Variants in KCNQ3 observed in about 807,000 individuals in gnomAD.
The protein encoded by KCNQ3 is potassium voltage-gated channel subfamily Q member 3, also known as potassium voltage-gated channel subfamily KQT member 3.
A neutral mutation model predicts 92.5 loss-of-function variants in KCNQ3; 30 were observed. That is an observed-to-expected ratio of 0.32 (90% CI 0.24 to 0.44). KCNQ3 has a LOEUF of 0.44. Ranked by LOEUF, KCNQ3 falls within the 20% of genes least tolerant of loss-of-function variation. The pLI, the probability that KCNQ3 is intolerant of heterozygous loss-of-function variation, is 1.00. For missense variants in KCNQ3, 913 were observed against 1,140.3 expected (o/e 0.80, Z 2.87); for synonymous variants, 450 against 468.8 (o/e 0.96, Z 0.52).
intron 1 of KCNQ3, among the ~76,000 whole-genome samples, chr8:132,454,648 C>A (rs1036789771): frequency 1.2e-4 from 18 of 152,126 alleles, no homozygotes; most frequent in African/African-American, 4.1e-4. Flanking sequence ...TTTCCCCCGA[C>A]TGACCACCAT....
chr8:132,439,266 C>T (rs1811351966), intron 1 of KCNQ3, among the ~76,000 whole-genome samples: 1 of 152,018 alleles, frequency 6.6e-6, no homozygotes, highest in South Asian at 2.1e-4. Context: ...TCCCAGCAAA[C>T]CTTTTTGAAG....
intron 1 of KCNQ3, among the ~76,000 whole-genome samples, chr8:132,435,173 C>G (rs1478558004): frequency 6.6e-6 from 1 of 152,182 alleles, no homozygotes. Context: ...ATGCCCAGGA[C>G]CTCCTGGACC....
chr8:132,153,605 C>T (rs1825701711), intron 9 of KCNQ3, among the ~76,000 whole-genome samples: 1 of 152,164 alleles, frequency 6.6e-6, no homozygotes, highest in Non-Finnish European at 1.5e-5. Flanking sequence ...CTTCCCATTT[C>T]ATGGATAAAA....
intron 1 of KCNQ3, among the ~76,000 whole-genome samples, chr8:132,397,134 G>A (rs1402356670): frequency 6.6e-6 from 1 of 152,112 alleles, no homozygotes; most frequent in Non-Finnish European, 1.5e-5. Flanking sequence ...GTCTAGTTGG[G>A]TGGTGGCTTA....
chr8:132,319,103 G>C (rs1462134198), intron 1 of KCNQ3, among the ~76,000 whole-genome samples: 4 of 152,214 alleles, frequency 2.6e-5, no homozygotes, highest in Non-Finnish European at 5.9e-5. Context: ...AAAAGTAAGT[G>C]AAAGGGCATG....
chr8:132,294,173 T>C (rs1188088726), intron 1 of KCNQ3, among the ~76,000 whole-genome samples: 2 of 152,050 alleles, frequency 1.3e-5, no homozygotes. Flanking sequence ...GCTAATTTTT[T>C]TGTATTTTTA....
At chr8:132,421,325 C>T (rs1177845998) in intron 1 of KCNQ3, among the ~76,000 whole-genome samples, 2 of 152,194 alleles carry the variant, frequency 1.3e-5, no homozygotes, top group African/African-American at 2.4e-5. Flanking sequence ...GAAATTCCAA[C>T]AGTTCATCAC....
rs200811205 is a variant in KCNQ3 at position 132,395,253 on chromosome 8, ATTTC to A, written c.386+84890_386+84893del. On this transcript the variant is annotated intron_variant, in intron 1 of 14. Coordinates refer to ENST00000388996, the MANE Select transcript of KCNQ3 (RefSeq NM_004519.4). ...ATATCCATCATCTCAAACATTTATGATTTCTTTGTGTTGAGAACATTCAATATCC... is the reference window on the plus strand; with the variant it reads ...ATATCCATCATCTCAAACATTTATGATTTGTGTTGAGAACATTCAATATCC... Among the ~76,000 whole-genome samples the A allele has an allele frequency of 9.6e-4, 146 of 152,308 alleles. 1 individual carries two copies. In the East Asian group the frequency reaches 0.026, roughly 27 times the overall value.
At chr8:132,234,378 G>T (rs1212646635) in intron 1 of KCNQ3, among the ~76,000 whole-genome samples, 2 of 131,002 alleles carry the variant, frequency 1.5e-5, no homozygotes, top group East Asian at 4.5e-4. Context: ...CAGGTGAAAG[G>T]CCAAGCAGTT....
chr8:132,444,094 T>C (rs554645594), intron 1 of KCNQ3, among the ~76,000 whole-genome samples: 11 of 152,228 alleles, frequency 7.2e-5, no homozygotes, highest in African/African-American at 2.6e-4. Context: ...CCCAGCAGTC[T>C]GGTTCCAGGG....
intron 1 of KCNQ3, among the ~76,000 whole-genome samples, chr8:132,255,811 G>C (rs1384789187): frequency 1.3e-5 from 2 of 152,148 alleles, no homozygotes; most frequent in Admixed American, 6.5e-5. Flanking sequence ...AAGGAATACA[G>C]ACCTTACAGT....
Position 132,244,248 on chromosome 8 carries a change from T to C in KCNQ3, c.387-58067A>G, listed in dbSNP as rs543659441. Among the ~76,000 whole-genome samples, 5 of 152,334 alleles carry C rather than the reference T, an allele frequency of 3.3e-5. No homozygotes were observed. The South Asian group carries it at 8.3e-4, about 25-fold the overall frequency. On this transcript the variant is annotated intron_variant, in intron 1 of 14. Transcript: ENST00000388996. The stretch of plus-strand genomic sequence containing the variant: ...GTTTGACATAAAATATTTTTGTATT[T>C]ATTTTTAAAAGAAAACTTTATATCA...
chr8:132,171,375 C>G (rs1189077166), intron 7 of KCNQ3, among the ~76,000 whole-genome samples: 1 of 152,098 alleles, frequency 6.6e-6, no homozygotes, highest in Non-Finnish European at 1.5e-5. Context: ...GCCATGCCCT[C>G]GCACACAGGC....
In KCNQ3 at chr8:132,135,111, C is replaced by T. The variant is rs544983637; in HGVS notation, c.1701-723G>A. Among the ~76,000 whole-genome samples the T allele has an allele frequency of 2.0e-5, 3 of 152,234 alleles. No individual in the cohort carries two copies. In the East Asian group the frequency reaches 5.8e-4, roughly 29 times the overall value. ...ACCTTACCCCAGAACCTGTTGTTTC[C>T]TTCTTTGTGTTCATAAGTTCCTAAC... On this transcript the variant is annotated intron_variant, in intron 12 of 14. Coordinates refer to ENST00000388996, the MANE Select transcript of KCNQ3 (RefSeq NM_004519.4).
intron 3 of KCNQ3, among the ~76,000 whole-genome samples, chr8:132,181,058 G>T (rs1326341026): frequency 6.6e-6 from 1 of 152,130 alleles, no homozygotes; most frequent in Non-Finnish European, 1.5e-5. Flanking sequence ...AAGGCCTTGG[G>T]GTAGATTTTG....
intron 1 of KCNQ3, among the ~76,000 whole-genome samples, chr8:132,424,263 C>T (rs1305758236): frequency 6.6e-6 from 1 of 152,000 alleles, no homozygotes; most frequent in Non-Finnish European, 1.5e-5. Flanking sequence ...GTGCCCCCCA[C>T]CCCAGCCCTT....
At chr8:132,162,991 T>A (rs1826034088) in intron 9 of KCNQ3, among the ~76,000 whole-genome samples, 1 of 152,196 alleles carries the variant, frequency 6.6e-6, no homozygotes, top group South Asian at 2.1e-4. Context: ...TCCACAGTCA[T>A]GATGATCATG....
At chr8:132,454,617 T>A (rs1051971502) in intron 1 of KCNQ3, among the ~76,000 whole-genome samples, 3 of 152,074 alleles carry the variant, frequency 2.0e-5, no homozygotes, top group African/African-American at 7.2e-5. Flanking sequence ...GTCATCTCAG[T>A]GCCTGATACC....
chr8:132,451,826 G>A (rs1821826579), intron 1 of KCNQ3, among the ~76,000 whole-genome samples: 1 of 152,226 alleles, frequency 6.6e-6, no homozygotes, highest in Non-Finnish European at 1.5e-5. Context: ...TAGGACAGGA[G>A]CAGCGGGAAG....
Sources: gnomAD v4.1 joint callset for allele counts (sites outside exome capture counted in the v4.1 genomes callset) on GRCh38, gnomAD v4.1.1 for gene constraint, MANE v1.5 for transcripts, NCBI Gene and HGNC (gene_info 2026-07-23, HGNC 2026-07-21) for gene names.